The following SYNE1 variants were observed in gnomAD, a reference collection of about 807,000 sequenced individuals.
The protein encoded by SYNE1 is spectrin repeat containing nuclear envelope protein 1.
SYNE1 carries 616 observed loss-of-function variants against 1,111.0 expected under a neutral mutation model. That is an observed-to-expected ratio of 0.55 (90% CI 0.52 to 0.59). SYNE1 has a LOEUF of 0.59. SYNE1 is among the 20% of genes least tolerant of loss of function. The probability of loss-of-function intolerance (pLI) is 0.00; values close to 1 mark genes in which losing one functional copy is unlikely to be tolerated. For synonymous variants in SYNE1, 3,855 were observed against 3,825.8 expected, an observed-to-expected ratio of 1.01 and a Z score of -0.28; for missense variants, 10,006 against 10,417.0, an observed-to-expected ratio of 0.96 and a Z score of 1.72.
intron 3 of SYNE1, among the ~76,000 whole-genome samples, chr6:152,614,753 A>T (rs1433029764): frequency 6.6e-6 from 1 of 152,240 alleles, no homozygotes; most frequent in African/African-American, 2.4e-5. Flanking sequence ...TCAATGATAG[A>T]CCGAATTAAG....
At chr6:152,359,582 C>T in intron 64 of SYNE1, 124 bp from the exon 65 acceptor site, 1 of 1,169,382 alleles carries the variant, frequency 8.6e-7, no homozygotes, top group East Asian at 2.5e-5. Flanking sequence ...TTCGTCCACT[C>T]CTCCATCATT....
intron 14 of SYNE1, among the ~76,000 whole-genome samples, chr6:152,475,319 A>G (rs1305563295): frequency 6.6e-6 from 1 of 152,234 alleles, no homozygotes; most frequent in Non-Finnish European, 1.5e-5. Context: ...AAATGTATTT[A>G]ATACGCCTAA....
intron 3 of SYNE1, among the ~76,000 whole-genome samples, chr6:152,548,875 G>A (rs1412842606): frequency 6.6e-6 from 1 of 152,162 alleles, no homozygotes; most frequent in Non-Finnish European, 1.5e-5. Context: ...TAATAATGCA[G>A]CAGAAATTAC....
intron 3 of SYNE1, among the ~76,000 whole-genome samples, chr6:152,587,292 ATCCT>A (rs779066123): frequency 1.4e-4 from 21 of 152,312 alleles, no homozygotes; most frequent in Admixed American, 3.9e-4. Context: ...AAATAAAAAC[ATCCT>A]TCCTTATCAT....
Position 152,135,184 on chromosome 6 carries a change from C to G in SYNE1, c.25708G>C (p.Asp8570His), listed in dbSNP as rs2056775430. 1 of 1,614,078 alleles carries G rather than the reference C, an allele frequency of 6.2e-7. No individual in the cohort carries two copies. Residue 8570 changes from aspartate (D) to histidine (H), a missense_variant, in exon 142 of 146, where the codon GAC becomes CAC. Physicochemically the swap from Asp to His is moderately conservative, Grantham distance 81. This residue lies in a region of SYNE1 where 761 missense variants were observed against 795.5 expected (regional missense o/e 0.96). Coordinates refer to ENST00000367255, the MANE Select transcript of SYNE1 (RefSeq NM_182961.4). ...GGGACAATTTCATTTTTCCTTCTGT[C>G]AATGTTCTCCAGCATAAGAAGCAAA... is the stretch of plus-strand genomic sequence containing the variant. Reference protein sequence around the residue: ...HGLLLMLENIDRRKNEIVPID... With the variant: ...HGLLLMLENIHRRKNEIVPID...
intron 3 of SYNE1, among the ~76,000 whole-genome samples, chr6:152,562,800 T>C (rs1425341992): frequency 6.6e-6 from 1 of 152,184 alleles, no homozygotes. Context: ...TTAAAGTATA[T>C]ATTTTTTTAA....
At chr6:152,353,149 A>T (rs1485242685) in intron 69 of SYNE1, 114 bp downstream of exon 69, 3 of 1,374,784 alleles carry the variant, frequency 2.2e-6, no homozygotes, top group Non-Finnish European at 3.1e-6. Flanking sequence ...TGAGCTCAGG[A>T]TCACCAATCA....
chr6:152,329,135 T>A lies in SYNE1; in HGVS notation c.14955+595A>T, dbSNP rs182535638. Among the ~76,000 whole-genome samples, 13 of 152,346 alleles carry A rather than the reference T, an allele frequency of 8.5e-5. No homozygotes were observed. The East Asian group carries it at 2.3e-3, about 27-fold the overall frequency. On this transcript the variant is annotated intron_variant, in intron 78 of 145. Transcript: ENST00000367255. ...ATTATGTTACTAATACCATTTATCATCTCTTTTAAGGTGAGAAATCACTGA... is the reference window on the plus strand; with the variant it reads ...ATTATGTTACTAATACCATTTATCAACTCTTTTAAGGTGAGAAATCACTGA...
chr6:152,348,315 C>G (rs1030840991), intron 72 of SYNE1, among the ~76,000 whole-genome samples: 1 of 152,218 alleles, frequency 6.6e-6, no homozygotes, highest in Admixed American at 6.5e-5. Context: ...GATTTCACCT[C>G]ACACCACCAT....
At chr6:152,247,748 TATACACACACACACAC>T (rs1273597294) in intron 105 of SYNE1, among the ~76,000 whole-genome samples, 2 of 90,936 alleles carry the variant, frequency 2.2e-5, no homozygotes, top group African/African-American at 1.0e-4. Context: ...TATATATATA[TATACACACACACACAC>T]ACACACACAC....
intron 95 of SYNE1, among the ~76,000 whole-genome samples, chr6:152,291,697 C>T (rs985317689): frequency 6.6e-6 from 1 of 152,032 alleles, no homozygotes; most frequent in Admixed American, 6.6e-5. Flanking sequence ...ATTGTGGGAG[C>T]CAGTGATGGG....
intron 30 of SYNE1, among the ~76,000 whole-genome samples, chr6:152,443,425 C>T (rs903807634): frequency 5.9e-5 from 9 of 152,146 alleles, no homozygotes; most frequent in East Asian, 1.9e-4. Context: ...CCACCACGCT[C>T]GGCTAATTTT....
intron 48 of SYNE1, among the ~76,000 whole-genome samples, chr6:152,399,074 G>T (rs1265411587): frequency 2.6e-5 from 4 of 152,122 alleles, no homozygotes; most frequent in Non-Finnish European, 5.9e-5. Flanking sequence ...AATGCTCCAG[G>T]GACATTAAAG....
chr6:152,360,396 C>T (rs955061230), intron 64 of SYNE1, among the ~76,000 whole-genome samples: 1 of 152,168 alleles, frequency 6.6e-6, no homozygotes, highest in Non-Finnish European at 1.5e-5. Flanking sequence ...TTCCTCAACT[C>T]CTCCCCAGGC....
intron 123 of SYNE1, 96 bp from the exon 124 acceptor site, chr6:152,211,684 T>A: frequency 2.0e-6 from 2 of 1,008,936 alleles, no homozygotes; most frequent in Non-Finnish European, 3.0e-6. Flanking sequence ...TTCGCAAGAC[T>A]ATGAAAGCTA....
At chr6:152,578,632 C>T (rs2099509363) in intron 3 of SYNE1, among the ~76,000 whole-genome samples, 1 of 151,964 alleles carries the variant, frequency 6.6e-6, no homozygotes. Context: ...AAACAAAACC[C>T]TTCATATTCT....
intron 130 of SYNE1, 121 bp from the exon 131 acceptor site, chr6:152,164,446 G>C (rs1268613718): frequency 8.5e-7 from 1 of 1,174,028 alleles, no homozygotes; most frequent in African/African-American, 1.5e-5. Flanking sequence ...AACTCATGTG[G>C]AAGAAGCCAA....
At chr6:152,632,309 CA>C (rs1363801421) in intron 2 of SYNE1, among the ~76,000 whole-genome samples, 2 of 151,820 alleles carry the variant, frequency 1.3e-5, no homozygotes, top group African/African-American at 2.4e-5. Flanking sequence ...CTCTTCAATG[CA>C]AAAAAAAGTG....
intron 109 of SYNE1, 142 bp from the exon 110 acceptor site, chr6:152,236,445 TTAAGA>T (rs759622564): frequency 3.0e-5 from 21 of 690,898 alleles, no homozygotes; most frequent in Non-Finnish European, 4.9e-5. Flanking sequence ...ATTGAAAACT[TTAAGA>T]TGTTTCATCT....
Sources: allele counts gnomAD v4.1 joint callset (sites outside exome capture counted in the v4.1 genomes callset), GRCh38; gene constraint gnomAD v4.1.1; regional missense constraint gnomAD v4.1.1; transcripts MANE v1.5; gene names NCBI Gene and HGNC (gene_info 2026-07-23, HGNC 2026-07-21).